RRN3: variants seen among roughly 807,000 people sequenced by gnomAD.
The protein encoded by RRN3 is RNA polymerase I-specific transcription initiation factor RRN3.
RRN3 carries 38 observed loss-of-function variants against 82.3 expected under a neutral mutation model. That is an observed-to-expected ratio of 0.46 (90% CI 0.36 to 0.61). RRN3 has a LOEUF of 0.61. RRN3 is among the 20% of genes least tolerant of loss of function. RRN3 has a pLI of 0.00. For missense variants in RRN3, 726 were observed against 793.1 expected (o/e 0.92, Z 1.02); for synonymous variants, 284 against 284.3 (o/e 1.00, Z 0.01).
In RRN3 at chr16:15,063,490, T is replaced by C. The variant is rs1307960500; in HGVS notation, c.1707-207A>G. Reference sequence around the variant, plus strand: ...TTGGGAGGCTGAGGTGGGCAGATCATGAGGTCAGGAGATCGAGACCATCCT... The same window carrying C: ...TTGGGAGGCTGAGGTGGGCAGATCACGAGGTCAGGAGATCGAGACCATCCT... On this transcript the variant is annotated intron_variant, in intron 16 of 17. Transcript: ENST00000198767. 2.0e-5 allele frequency among the ~76,000 whole-genome samples: 3 copies of C among 151,810 alleles called. No individual in the cohort carries two copies. In the East Asian group the frequency reaches 5.8e-4, roughly 29 times the overall value.
intron 16 of RRN3, among the ~76,000 whole-genome samples, chr16:15,064,743 T>A (rs574744547): frequency 1.6e-4 from 24 of 152,350 alleles, no homozygotes; most frequent in African/African-American, 4.6e-4. Context: ...CTGCTAGGCA[T>A]CCTCTACTTT....
Position 15,094,180 on chromosome 16 carries a change from G to A in RRN3, c.54C>T (p.Ser18=), listed in dbSNP as rs2046258274. Residue 18 remains serine (S), a synonymous_variant, in exon 1 of 18, where the codon TCC becomes TCT. Transcript: ENST00000198767. The part of the protein sequence containing the change: ...TRLPGDAAAS[S]SAVKKLGASR... ...ACGCGCCCAGCTTCTTAACTGCAGA[G>A]GACGAAGCGGCCGCATCTCCCGGCA... 1.2e-6 allele frequency: 2 copies of A among 1,602,140 alleles called. No individual in the cohort carries two copies. The highest frequency in any genetic ancestry group is 1.7e-6 in the Non-Finnish European group (2 of 1,174,830).
rs542411695 is a variant in RRN3 at position 15,076,428 on chromosome 16, G to C, written c.858+130C>G. 7 of 717,064 alleles carry C rather than the reference G, an allele frequency of 9.8e-6. No individual in the cohort carries two copies. The East Asian group carries it at 1.9e-4, about 19-fold the overall frequency. 44.4% of individuals were successfully genotyped at this position (717,064 alleles called of 1,614,324 possible). A position where few individuals can be genotyped will look rare whatever the true frequency, so the allele number is the denominator to read the frequency against. On this transcript the variant is annotated intron_variant, in intron 10 of 17. Transcript: ENST00000198767. ...ACATGGCAGCAAATTACTCATATAA[G>C]GAATCGTTTTCAAGTTTGCTGAACT...
chr16:15,060,679 G>A lies in RRN3; in HGVS notation c.*1065C>T, dbSNP rs1290537407. ...GTCTTCTGAAGACTTCCTCTGTTTA[G>A]TTATAAAAATACAAAAAGAGGCTTT... is the stretch of plus-strand genomic sequence containing the variant. On this transcript the variant is annotated 3_prime_UTR_variant, in exon 18 of 18. Transcript: ENST00000198767. The A allele has an allele frequency of 6.6e-6, 1 of 152,300 alleles. No homozygotes were observed. The highest frequency in any genetic ancestry group is 1.5e-5 in the Non-Finnish European group (1 of 68,140). 9.4% of individuals were successfully genotyped at this position (152,300 alleles called of 1,614,324 possible).
At chr16:15,084,791 C>A (rs1364047149) in intron 6 of RRN3, 86 bp from the exon 7 acceptor site, 1 of 907,162 alleles carries the variant, frequency 1.1e-6, no homozygotes, top group Non-Finnish European at 1.8e-6. Flanking sequence ...GCTGGCTGGG[C>A]ACAGTGGCTC....
rs539306989 is a variant in RRN3 at position 15,087,130 on chromosome 16, A to G, written c.253-676T>C. Among the ~76,000 whole-genome samples the G allele has an allele frequency of 2.7e-4, 41 of 152,200 alleles. 1 individual carries two copies. The highest frequency in any genetic ancestry group is 4.3e-4 in the Non-Finnish European group (29 of 68,036). On this transcript the variant is annotated intron_variant, in intron 3 of 17. Coordinates refer to ENST00000198767, the MANE Select transcript of RRN3 (RefSeq NM_018427.5). ...CTATATTAATTATATTCATGCATAT[A>G]TACTGCACAGGAAAAAAACCATTAA...
intron 6 of RRN3, 118 bp downstream of exon 6, chr16:15,085,521 T>A: frequency 7.1e-7 from 1 of 1,413,630 alleles, no homozygotes; most frequent in Non-Finnish European, 9.7e-7. Flanking sequence ...TCTCACTATG[T>A]TGCCCAGGCT....
At position 15,061,224 on chromosome 16, in the gene RRN3, T is replaced by C. The variant is rs1473219324; in HGVS notation, c.*520A>G. The C allele has an allele frequency of 6.6e-6, 1 of 152,322 alleles. No homozygotes were observed. The highest frequency in any genetic ancestry group is 1.5e-5 in the Non-Finnish European group (1 of 68,150). The allele number at this position is 152,322 out of a possible 1,614,324, so 9.4% of individuals were successfully genotyped here. On this transcript the variant is annotated 3_prime_UTR_variant, in exon 18 of 18. Coordinates refer to ENST00000198767, the MANE Select transcript of RRN3 (RefSeq NM_018427.5). ...CTGTCTTCTCTACACTCCCTTGAAATCCCAACAGACAAATACCAATACAGC... is the reference window on the plus strand; with the variant it reads ...CTGTCTTCTCTACACTCCCTTGAAACCCCAACAGACAAATACCAATACAGC...
At position 15,061,155 on chromosome 16, in the gene RRN3, ACT is replaced by A. The variant is rs2044696200; in HGVS notation, c.*587_*588del. The A allele has an allele frequency of 6.6e-6, 1 of 152,124 alleles. No individual in the cohort carries two copies. The highest frequency in any genetic ancestry group is 2.1e-4 in the South Asian group (1 of 4,812). 9.4% of individuals were successfully genotyped at this position (152,124 alleles called of 1,614,324 possible). A position where few individuals can be genotyped will look rare whatever the true frequency, so the allele number is the denominator to read the frequency against. On this transcript the variant is annotated 3_prime_UTR_variant, in exon 18 of 18. Transcript: ENST00000198767. ...CTGGAGATCTTCAGTGCCAGCTCCA[ACT>A]CTGTGTCCCAGACCATGTCGGGCCA... is the stretch of plus-strand genomic sequence containing the variant.
Position 15,063,289 on chromosome 16 carries a change from A to G in RRN3, c.1707-6T>C, listed in dbSNP as rs1298213051. 6.2e-7 allele frequency: 1 copy of G among 1,602,902 alleles called. No homozygotes were observed. ...GATCAATGAATTTCTTTGACCTGTC[A>G]ACAAAGATCACATTTCAAAGTCAAG... On this transcript the variant is annotated splice_region_variant and splice_polypyrimidine_tract_variant and intron_variant, in intron 16 of 17. Transcript: ENST00000198767.
intron 16 of RRN3, among the ~76,000 whole-genome samples, chr16:15,063,736 C>CA (rs2044827991): frequency 7.1e-6 from 1 of 140,664 alleles, no homozygotes; most frequent in Non-Finnish European, 1.6e-5. Context: ...AAAAACAAAA[C>CA]AAAAAAACAA....
At chr16:15,088,246 G>T (rs554273688) in intron 3 of RRN3, among the ~76,000 whole-genome samples, 5 of 152,216 alleles carry the variant, frequency 3.3e-5, no homozygotes, top group Non-Finnish European at 7.3e-5. Context: ...GGCCAAGGCA[G>T]GAGGAGACTG....
chr16:15,092,636 G>C (rs766648808), intron 1 of RRN3, 22 bp from the exon 2 acceptor site: 4 of 1,367,480 alleles, frequency 2.9e-6, no homozygotes, highest in Non-Finnish European at 4.2e-6. Flanking sequence ...AGATTAACAA[G>C]CTATTAAGTT....
chr16:15,082,736 A>G (rs528456957), intron 8 of RRN3, among the ~76,000 whole-genome samples: 172 of 152,140 alleles, frequency 1.1e-3, no homozygotes, highest in African/African-American at 3.9e-3. Context: ...GTCATGGTAC[A>G]TAATTCTTTT....
At chr16:15,077,509 T>C (rs2045512470) in intron 9 of RRN3, among the ~76,000 whole-genome samples, 1 of 152,188 alleles carries the variant, frequency 6.6e-6, no homozygotes, top group Non-Finnish European at 1.5e-5. Context: ...GCCATGATTC[T>C]GAGGCCTCCC....
intron 12 of RRN3, 53 bp from the exon 13 acceptor site, chr16:15,071,304 G>C: frequency 6.6e-7 from 1 of 1,516,238 alleles, no homozygotes; most frequent in Non-Finnish European, 8.9e-7. Flanking sequence ...AAGATAATCT[G>C]GCTATCAAAA....
intron 2 of RRN3, among the ~76,000 whole-genome samples, chr16:15,091,575 G>A (rs925484909): frequency 1.3e-5 from 2 of 151,460 alleles, no homozygotes; most frequent in African/African-American, 4.9e-5. Context: ...AAAGGAAAAT[G>A]ATAAACTACA....
At chr16:15,063,112 G>A (rs958310450) in intron 17 of RRN3, 84 bp downstream of exon 17, 9 of 1,038,844 alleles carry the variant, frequency 8.7e-6, no homozygotes, top group Middle Eastern at 2.5e-4. Flanking sequence ...TTACACGCAC[G>A]AACGACTTGC....
intron 5 of RRN3, 147 bp from the exon 6 acceptor site, chr16:15,085,845 C>T (rs1399481232): frequency 1.0e-5 from 13 of 1,274,488 alleles, no homozygotes; most frequent in Middle Eastern, 2.7e-4. Flanking sequence ...ATTAATTAAA[C>T]GCACAATCTG....
Sources: gnomAD v4.1 joint callset for allele counts (sites outside exome capture counted in the v4.1 genomes callset) on GRCh38, gnomAD v4.1.1 for gene constraint, MANE v1.5 for transcripts, NCBI Gene and HGNC (gene_info 2026-07-23, HGNC 2026-07-21) for gene names.